The following MARCHF8 variants were observed in gnomAD, a reference collection of about 807,000 sequenced individuals.
MARCHF8 encodes the protein membrane associated ring-CH-type finger 8.
In MARCHF8, 40 loss-of-function variants were observed where a neutral mutation model predicts 51.6. That is an observed-to-expected ratio of 0.77 (90% CI 0.60 to 1.01). The LOEUF is 1.01. Among genes scored for constraint, MARCHF8 ranks in the 50% least tolerant of loss-of-function variants. MARCHF8 has a pLI of 0.00. For synonymous variants in MARCHF8, 263 were observed against 280.3 expected (o/e 0.94, Z 0.62); for missense variants, 685 against 708.6 (o/e 0.97, Z 0.38).
chr10:45,544,495 T>C (rs1458463541), intron 1 of MARCHF8, among the ~76,000 whole-genome samples: 3 of 152,084 alleles, frequency 2.0e-5, no homozygotes, highest in East Asian at 1.9e-4. Flanking sequence ...AAAGAATAGA[T>C]AAAAATGTGG....
intron 2 of MARCHF8, among the ~76,000 whole-genome samples, chr10:45,530,527 GT>G (rs1321582350): frequency 6.6e-6 from 1 of 152,190 alleles, no homozygotes. Context: ...CACACTTGCA[GT>G]CCCAGCAATT....
chr10:45,473,336 T>G (rs1013958055), intron 3 of MARCHF8, among the ~76,000 whole-genome samples: 5 of 152,214 alleles, frequency 3.3e-5, no homozygotes, highest in Non-Finnish European at 7.3e-5. Flanking sequence ...GAGGTACATA[T>G]CACAGTCTGC....
chr10:45,586,048 AC>A (rs1589196878), intron 1 of MARCHF8, among the ~76,000 whole-genome samples: 2 of 152,186 alleles, frequency 1.3e-5, no homozygotes, highest in African/African-American at 4.8e-5. Flanking sequence ...CTTTTTAAAA[AC>A]AACTCTATTA....
intron 3 of MARCHF8, among the ~76,000 whole-genome samples, chr10:45,467,122 G>A (rs139903059): frequency 3.9e-5 from 6 of 152,278 alleles, no homozygotes; most frequent in Admixed American, 1.3e-4. Flanking sequence ...AGGAAACAGC[G>A]TTGGCATCCT....
rs765745494 is a variant in MARCHF8, at chr10:45,458,216, G to A, written c.*23C>T. On this transcript the variant is annotated 3_prime_UTR_variant, in exon 8 of 8. Coordinates refer to ENST00000453424, the MANE Select transcript of MARCHF8 (RefSeq NM_001282866.2). ...TCCTTCAGCTCTTCATGGATGTCCA[G>A]GAAAATGACAACCCGCACACAATCA... is the stretch of plus-strand genomic sequence containing the variant. The A allele has an allele frequency of 4.4e-6, 7 of 1,585,418 alleles. No homozygotes were observed. The South Asian group carries it at 8.2e-5, about 18-fold the overall frequency.
chr10:45,484,477 A>G (rs936017552), intron 3 of MARCHF8, among the ~76,000 whole-genome samples: 3 of 152,172 alleles, frequency 2.0e-5, no homozygotes, highest in Non-Finnish European at 4.4e-5. Context: ...TGGGACTCAA[A>G]CTGCCTCAAA....
chr10:45,480,279 G>A (rs982347372), intron 3 of MARCHF8, among the ~76,000 whole-genome samples: 4 of 152,172 alleles, frequency 2.6e-5, no homozygotes, highest in African/African-American at 9.7e-5. Flanking sequence ...GAAAATAAAA[G>A]CAGAAAATTT....
intron 1 of MARCHF8, among the ~76,000 whole-genome samples, chr10:45,542,875 T>C (rs2044072289): frequency 6.6e-6 from 1 of 152,134 alleles, no homozygotes. Flanking sequence ...AGATAATAAA[T>C]AAAGAGGTTA....
intron 3 of MARCHF8, among the ~76,000 whole-genome samples, chr10:45,469,726 G>A (rs893529953): frequency 5.3e-5 from 8 of 151,728 alleles, no homozygotes; most frequent in Admixed American, 1.3e-4. Context: ...TTAGCCAGGC[G>A]TGGTGGCGGG....
chr10:45,549,431 G>A (rs888005035), intron 1 of MARCHF8, among the ~76,000 whole-genome samples: 1 of 152,208 alleles, frequency 6.6e-6, no homozygotes, highest in Non-Finnish European at 1.5e-5. Context: ...AGGGAAGGCA[G>A]GGCCTTCTCC....
chr10:45,552,208 G>A (rs2133341527), intron 1 of MARCHF8, among the ~76,000 whole-genome samples: 1 of 151,806 alleles, frequency 6.6e-6, no homozygotes, highest in South Asian at 2.1e-4. Flanking sequence ...AGAAAGAAAA[G>A]GAATACTGCT....
At chr10:45,530,427 C>T (rs1324822116) in intron 2 of MARCHF8, among the ~76,000 whole-genome samples, 1 of 152,128 alleles carries the variant, frequency 6.6e-6, no homozygotes, top group Non-Finnish European at 1.5e-5. Context: ...TGAAAATACT[C>T]CATCCTAGCT....
At chr10:45,544,837 C>T (rs1564511438) in intron 1 of MARCHF8, among the ~76,000 whole-genome samples, 1 of 152,072 alleles carries the variant, frequency 6.6e-6, no homozygotes, top group Non-Finnish European at 1.5e-5. Context: ...TTTTATGGTG[C>T]CTAAATTACA....
At chr10:45,571,896 CATAGACTCA>C (rs931622081) in intron 1 of MARCHF8, among the ~76,000 whole-genome samples, 1 of 152,192 alleles carries the variant, frequency 6.6e-6, no homozygotes, top group Non-Finnish European at 1.5e-5. Flanking sequence ...CAGCACCAGT[CATAGACTCA>C]GGAAGACAGT....
chr10:45,587,064 C>G (rs546251065), intron 1 of MARCHF8, among the ~76,000 whole-genome samples: 1 of 152,254 alleles, frequency 6.6e-6, no homozygotes, highest in African/African-American at 2.4e-5. Context: ...GACATCTGCT[C>G]TCACCACTTC....
At chr10:45,589,935 T>G (rs2044660025) in intron 1 of MARCHF8, among the ~76,000 whole-genome samples, 1 of 152,194 alleles carries the variant, frequency 6.6e-6, no homozygotes, top group Non-Finnish European at 1.5e-5. Context: ...TACCTAGGAG[T>G]GGAACTGCTT....
intron 3 of MARCHF8, among the ~76,000 whole-genome samples, chr10:45,469,548 A>C (rs1254595689): frequency 6.6e-6 from 1 of 152,184 alleles, no homozygotes; most frequent in Non-Finnish European, 1.5e-5. Context: ...ATGTGTATGC[A>C]AAAGTGAACT....
At chr10:45,474,489 C>G (rs2042751372) in intron 3 of MARCHF8, among the ~76,000 whole-genome samples, 1 of 152,034 alleles carries the variant, frequency 6.6e-6, no homozygotes, top group African/African-American at 2.4e-5. Context: ...TCCTGAATAC[C>G]CATCTGTCAG....
At chr10:45,490,624 A>T (rs920580987) in intron 2 of MARCHF8, among the ~76,000 whole-genome samples, 5 of 147,150 alleles carry the variant, frequency 3.4e-5, no homozygotes, top group African/African-American at 1.2e-4. Flanking sequence ...GACTTTCTTT[A>T]AAAAAAAAAA....
Sources: allele counts gnomAD v4.1 joint callset (sites outside exome capture counted in the v4.1 genomes callset), GRCh38; gene constraint gnomAD v4.1.1; transcripts MANE v1.5; gene names NCBI Gene and HGNC (gene_info 2026-07-23, HGNC 2026-07-21).